Variants in EXOC6 observed in about 807,000 individuals in gnomAD.
The protein encoded by EXOC6 is exocyst complex component 6.
Under a neutral mutation model 112.5 loss-of-function variants are expected in EXOC6, and 60 were observed. The observed-to-expected ratio is 0.53, with a 90% confidence interval of 0.43 to 0.66. EXOC6 has a LOEUF of 0.66. Ranked by LOEUF, EXOC6 falls within the 30% of genes least tolerant of loss-of-function variation. The pLI is 0.00. For missense variants in EXOC6, 855 were observed against 957.1 expected (o/e 0.89, Z 1.41); for synonymous variants, 295 against 308.0 (o/e 0.96, Z 0.44).
Position 92,848,576 on chromosome 10 carries a change from G to A in EXOC6, c.43G>A (p.Glu15Lys), listed in dbSNP as rs1847157220. ...GAGTCTGGGCACCGTCCCCGAGCAC[G>A]AGCGGATCTTGCAGGAGATCGAGAG... ...SESLGTVPEHERILQEIESTD... is the reference protein window; with the variant it reads ...SESLGTVPEHKRILQEIESTD... The change falls in exon 1 of 22, where the codon GAG becomes AAG. Residue 15 changes from glutamate (E) to lysine (K), a missense_variant. Around this residue, in one of 2 missense-constraint regions of EXOC6, gnomAD observed 405 missense variants for 393.6 expected, o/e 1.03. Coordinates refer to ENST00000260762, the MANE Select transcript of EXOC6 (RefSeq NM_019053.6). 20 of 1,452,010 alleles carry A rather than the reference G, an allele frequency of 1.4e-5. No individual in the cohort carries two copies. Among genetic ancestry groups the A allele is most frequent in the Non-Finnish European group, 1.8e-5 (19 of 1,085,168 alleles). The allele number at this position is 1,452,010 out of a possible 1,614,324, so 89.9% of individuals were successfully genotyped here.
intron 1 of EXOC6, among the ~76,000 whole-genome samples, chr10:92,861,491 C>G (rs1847910002): frequency 1.3e-5 from 2 of 152,088 alleles, no homozygotes; most frequent in African/African-American, 4.8e-5. Context: ...TGAAGGAGGG[C>G]TGGGTGGAAG....
intron 1 of EXOC6, among the ~76,000 whole-genome samples, chr10:92,849,161 C>T (rs1445727034): frequency 6.6e-6 from 1 of 152,258 alleles, no homozygotes; most frequent in South Asian, 2.1e-4. Context: ...CCCGCTTTCC[C>T]CCTACTCCCC....
rs559390732 is a variant in EXOC6, at chr10:92,892,980, G to A, written c.102-369G>A. On this transcript the variant is annotated intron_variant, in intron 1 of 21. Coordinates refer to ENST00000260762, the MANE Select transcript of EXOC6 (RefSeq NM_019053.6). Reference sequence around the variant, plus strand: ...TATATAAAGCATTTAGAACATGAGCGTTTACTTTACATAGTAAATGCTGTA... The same window carrying A: ...TATATAAAGCATTTAGAACATGAGCATTTACTTTACATAGTAAATGCTGTA... Among the ~76,000 whole-genome samples the A allele has an allele frequency of 1.1e-4, 17 of 152,240 alleles. No individual in the cohort carries two copies. The South Asian group carries it at 1.2e-3, about 11-fold the overall frequency.
chr10:93,047,776 G>A (rs1392046856), intron 20 of EXOC6, among the ~76,000 whole-genome samples: 4 of 151,776 alleles, frequency 2.6e-5, no homozygotes, highest in South Asian at 2.1e-4. Context: ...TGAAACCCCC[G>A]TCTCTACTAA....
intron 6 of EXOC6, among the ~76,000 whole-genome samples, chr10:92,910,492 G>A (rs972449716): frequency 6.6e-6 from 1 of 152,090 alleles, no homozygotes; most frequent in Non-Finnish European, 1.5e-5. Context: ...GACACAAGGG[G>A]ACTTTCTGGG....
chr10:92,982,205 G>A (rs573886826), intron 18 of EXOC6, among the ~76,000 whole-genome samples: 2 of 152,160 alleles, frequency 1.3e-5, no homozygotes, highest in African/African-American at 2.4e-5. Flanking sequence ...GTAATTTGGG[G>A]TATTTTTCAA....
intron 20 of EXOC6, among the ~76,000 whole-genome samples, chr10:93,042,456 G>A (rs567407009): frequency 3.0e-4 from 45 of 152,258 alleles, no homozygotes; most frequent in South Asian, 8.3e-4. Flanking sequence ...GGCCATTACC[G>A]TCTTTTCATC....
chr10:93,026,364 C>T (rs997890684), intron 20 of EXOC6, among the ~76,000 whole-genome samples: 1 of 152,184 alleles, frequency 6.6e-6, no homozygotes, highest in Non-Finnish European at 1.5e-5. Context: ...TAGAGAAGTT[C>T]TAGCTGTTCT....
intron 7 of EXOC6, among the ~76,000 whole-genome samples, chr10:92,918,984 A>T (rs920398778): frequency 6.6e-6 from 1 of 152,190 alleles, no homozygotes. Context: ...TAGTCCCTTG[A>T]AATTATTATT....
chr10:92,829,359 C>T (rs1418675935), intron 1 of EXOC6, among the ~76,000 whole-genome samples: 2 of 152,182 alleles, frequency 1.3e-5, no homozygotes, highest in Non-Finnish European at 1.5e-5. Context: ...ATTCGGGCGC[C>T]CCTCTCTCTC....
chr10:92,931,971 G>A (rs573527100), intron 9 of EXOC6, among the ~76,000 whole-genome samples: 1 of 152,258 alleles, frequency 6.6e-6, no homozygotes, highest in African/African-American at 2.4e-5. Flanking sequence ...TCTTTATACA[G>A]TGGCTCATAT....
chr10:92,916,913 C>T (rs1851121934), intron 7 of EXOC6, among the ~76,000 whole-genome samples: 1 of 151,786 alleles, frequency 6.6e-6, no homozygotes, highest in Admixed American at 6.6e-5. Context: ...AGATTATATT[C>T]CTAAATCTCT....
At position 92,952,344 on chromosome 10, in the gene EXOC6, T is replaced by C; in HGVS notation, c.1488T>C (p.Ile496=). The change falls in exon 15 of 22, where the codon ATT becomes ATC. Residue 496 remains isoleucine, a synonymous_variant. Coordinates refer to ENST00000260762, the MANE Select transcript of EXOC6 (RefSeq NM_019053.6). ...TTTACATTCAAGTTAAAGAATTTAT[T>C]TATGCCAGCCTTAAATTTTCAGAGT... The part of the protein sequence containing the change: ...PHIYIQVKEF[I]YASLKFSESL... The C allele has an allele frequency of 5.6e-6, 9 of 1,612,536 alleles. No homozygotes were observed. Among genetic ancestry groups the C allele is most frequent in the Non-Finnish European group, 7.6e-6 (9 of 1,178,924 alleles).
chr10:93,031,345 A>G (rs2060018010), intron 20 of EXOC6, among the ~76,000 whole-genome samples: 1 of 151,988 alleles, frequency 6.6e-6, no homozygotes, highest in Admixed American at 6.6e-5. Flanking sequence ...TTCAGGAATT[A>G]TTTCTGAAGG....
chr10:92,848,631 T>C lies in EXOC6; in HGVS notation c.98T>C (p.Leu33Pro). ...GACACCGCCTGTGTGGGGCCCACCC[T>C]CCGGTAAAGATCTCATCCCACCGGG... The part of the protein sequence containing the change: ...STDTACVGPT[L>P]RSVYDDQPNA... The change falls in exon 1 of 22, where the codon CTC becomes CCC. Residue 33 changes from leucine (L) to proline (P), a missense_variant. Leu to Pro is a moderately conservative substitution (Grantham distance 98). Around this residue, in one of 2 missense-constraint regions of EXOC6, gnomAD observed 405 missense variants for 393.6 expected, o/e 1.03. Transcript: ENST00000260762. 1.4e-6 allele frequency: 2 copies of C among 1,419,090 alleles called. No homozygotes were observed. The highest frequency in any genetic ancestry group is 9.4e-7 in the Non-Finnish European group (1 of 1,067,746). The allele number at this position is 1,419,090 out of a possible 1,614,324, so 87.9% of individuals were successfully genotyped here.
At chr10:93,012,599 T>C (rs1463034150) in intron 19 of EXOC6, among the ~76,000 whole-genome samples, 1 of 152,242 alleles carries the variant, frequency 6.6e-6, no homozygotes, top group Non-Finnish European at 1.5e-5. Flanking sequence ...ATTTATTGTT[T>C]TTAATTGTTG....
intron 1 of EXOC6, among the ~76,000 whole-genome samples, chr10:92,879,067 T>C (rs1237641053): frequency 1.3e-5 from 2 of 152,358 alleles, no homozygotes; most frequent in Non-Finnish European, 2.9e-5. Context: ...CCTCAGGATA[T>C]ACTTTATACA....
At chr10:92,860,331 G>T (rs1348362235) in intron 1 of EXOC6, among the ~76,000 whole-genome samples, 1 of 146,980 alleles carries the variant, frequency 6.8e-6, no homozygotes, top group African/African-American at 2.5e-5. Context: ...GAGTGCAGTG[G>T]CGTGATCTCG....
chr10:93,027,194 A>T (rs943137959), intron 20 of EXOC6, among the ~76,000 whole-genome samples: 6 of 152,180 alleles, frequency 3.9e-5, no homozygotes, highest in Non-Finnish European at 8.8e-5. Context: ...GGAGGGCCTA[A>T]CTCTGTTCAA....
Sources: gnomAD v4.1 joint callset for allele counts (sites outside exome capture counted in the v4.1 genomes callset) on GRCh38, gnomAD v4.1.1 for gene constraint, gnomAD v4.1.1 regional missense constraint, MANE v1.5 for transcripts, NCBI Gene and HGNC (gene_info 2026-07-23, HGNC 2026-07-21) for gene names.